Variants in BAALC observed in about 807,000 individuals in gnomAD.
BAALC encodes the protein brain and acute leukemia cytoplasmic protein.
A neutral mutation model predicts 15.5 loss-of-function variants in BAALC; 9 were observed. The ratio of observed to expected loss-of-function variants is 0.58; its 90% CI spans 0.35 to 1.02. The LOEUF (loss-of-function observed/expected upper bound fraction) is 1.02, where lower values mean the gene tolerates loss of function less well. Among genes scored for constraint, BAALC ranks in the 50% least tolerant of loss-of-function variants. The pLI is 0.02. For synonymous variants in BAALC, 80 were observed against 74.6 expected (o/e 1.07, Z -0.37); for missense variants, 201 against 192.4 (o/e 1.04, Z -0.27).
Position 103,180,802 on chromosome 8 carries a change from T to A in BAALC, c.161-32117T>A, listed in dbSNP as rs185601319. On this transcript the variant is annotated intron_variant, in intron 1 of 2. Transcript: ENST00000309982. ...AATGATTGTGTGAAAATAGATAGGATTGAAAATGAACCAAGACAAAATTGT... is the reference window on the plus strand; with the variant it reads ...AATGATTGTGTGAAAATAGATAGGAATGAAAATGAACCAAGACAAAATTGT... 4.0e-3 allele frequency among the ~76,000 whole-genome samples: 608 copies of A among 152,314 alleles called. 4 individuals carry two copies. The highest frequency in any genetic ancestry group is 7.5e-3 in the Non-Finnish European group (508 of 68,032).
intron 1 of BAALC, among the ~76,000 whole-genome samples, chr8:103,210,453 C>T (rs1272273059): frequency 6.6e-6 from 1 of 152,270 alleles, no homozygotes; most frequent in African/African-American, 2.4e-5. Context: ...TGCCATCTCA[C>T]TGTGTGGGAA....
intron 1 of BAALC, among the ~76,000 whole-genome samples, chr8:103,207,614 G>C (rs1812360639): frequency 2.0e-5 from 3 of 152,178 alleles, no homozygotes; most frequent in South Asian, 4.1e-4. Flanking sequence ...TTAGTGACCA[G>C]TGAAAAGTAA....
intron 1 of BAALC, among the ~76,000 whole-genome samples, chr8:103,205,392 G>C (rs1254512937): frequency 6.6e-6 from 1 of 152,170 alleles, no homozygotes; most frequent in African/African-American, 2.4e-5. Flanking sequence ...AAAATTTTGT[G>C]AAGGGTGTCA....
At chr8:103,151,048 C>G (rs569671239) in intron 1 of BAALC, among the ~76,000 whole-genome samples, 1 of 149,862 alleles carries the variant, frequency 6.7e-6, no homozygotes, top group East Asian at 1.9e-4. Context: ...GATGGAGTCT[C>G]GCTCTGTTGC....
intron 1 of BAALC, among the ~76,000 whole-genome samples, chr8:103,176,477 A>G (rs1451450953): frequency 6.6e-6 from 1 of 152,096 alleles, no homozygotes; most frequent in Non-Finnish European, 1.5e-5. Flanking sequence ...AGAAAAAAAA[A>G]AGAGAGAGGA....
intron 1 of BAALC, among the ~76,000 whole-genome samples, chr8:103,149,596 G>A (rs1184773641): frequency 1.2e-4 from 18 of 152,112 alleles, no homozygotes; most frequent in African/African-American, 3.6e-4. Context: ...TTAAAGTTCC[G>A]GATGGGGGGA....
chr8:103,191,721 A>G (rs1263032720), intron 1 of BAALC, among the ~76,000 whole-genome samples: 2 of 152,114 alleles, frequency 1.3e-5, no homozygotes, highest in Non-Finnish European at 2.9e-5. Flanking sequence ...AGCCCCCTCC[A>G]TAAATATCAA....
intron 1 of BAALC, among the ~76,000 whole-genome samples, chr8:103,186,972 C>G (rs1811852464): frequency 6.6e-6 from 1 of 152,236 alleles, no homozygotes; most frequent in Non-Finnish European, 1.5e-5. Context: ...CTTGTTCTCT[C>G]AGGACCTTAG....
intron 1 of BAALC, among the ~76,000 whole-genome samples, chr8:103,207,013 G>A (rs772159573): frequency 1.3e-5 from 2 of 152,120 alleles, no homozygotes; most frequent in Non-Finnish European, 2.9e-5. Context: ...CCTGGTAAGG[G>A]GGCTCCCTTC....
chr8:103,180,313 C>T (rs1811698217), intron 1 of BAALC, among the ~76,000 whole-genome samples: 2 of 152,098 alleles, frequency 1.3e-5, no homozygotes, highest in African/African-American at 2.4e-5. Context: ...CTATGGTTTC[C>T]AGAAATCTAA....
chr8:103,180,535 C>T (rs563888727), intron 1 of BAALC, among the ~76,000 whole-genome samples: 3 of 152,322 alleles, frequency 2.0e-5, no homozygotes, highest in East Asian at 1.9e-4. Flanking sequence ...GTGGCAGTTA[C>T]AGGAAGGAGG....
chr8:103,164,511 C>T (rs1028828764), intron 1 of BAALC, among the ~76,000 whole-genome samples: 3 of 152,126 alleles, frequency 2.0e-5, no homozygotes, highest in Non-Finnish European at 2.9e-5. Flanking sequence ...CTCTTGTGCC[C>T]AATAATATTT....
intron 1 of BAALC, among the ~76,000 whole-genome samples, chr8:103,186,874 T>C (rs1811849773): frequency 6.6e-6 from 1 of 152,202 alleles, no homozygotes; most frequent in Non-Finnish European, 1.5e-5. Context: ...AATCCAAATG[T>C]CCTCAGGTCC....
At chr8:103,210,274 A>G (rs755161540) in intron 1 of BAALC, among the ~76,000 whole-genome samples, 15 of 152,256 alleles carry the variant, frequency 9.9e-5, no homozygotes, top group Non-Finnish European at 1.6e-4. Context: ...AATCCATCAC[A>G]GCACCCCAAT....
intron 1 of BAALC, among the ~76,000 whole-genome samples, chr8:103,176,355 A>C (rs899226664): frequency 1.3e-5 from 2 of 152,140 alleles, no homozygotes; most frequent in African/African-American, 4.8e-5. Context: ...TAATAGTGAC[A>C]AAAAAACCCA....
intron 1 of BAALC, among the ~76,000 whole-genome samples, chr8:103,146,731 C>T (rs1023684139): frequency 8.5e-5 from 13 of 152,172 alleles, no homozygotes; most frequent in African/African-American, 3.1e-4. Context: ...AGAAAACATC[C>T]CCACCTTCCT....
chr8:103,142,494 C>G (rs923562399), intron 1 of BAALC, among the ~76,000 whole-genome samples: 1 of 152,132 alleles, frequency 6.6e-6, no homozygotes, highest in Non-Finnish European at 1.5e-5. Context: ...TTAGAGGGAC[C>G]TGGTAAATGT....
Position 103,140,929 on chromosome 8 carries a change from T to A in BAALC, c.32T>A (p.Ile11Asn). Residue 11 changes from isoleucine (I) to asparagine (N), a missense_variant, in exon 1 of 3, where the codon ATC becomes AAC. Transcript: ENST00000309982. The surrounding 1 kb of genome is among the most constrained non-coding windows in gnomAD (Gnocchi z 4.2). ...TGCGGCGGGAGCCGGGCGGATGCCA[T>A]CGAGCCCCGCTACTACGAGAGCTGG... is the stretch of plus-strand genomic sequence containing the variant. MGCGGSRADAIEPRYYESWTR... is the reference protein window; with the variant it reads MGCGGSRADANEPRYYESWTR... The A allele has an allele frequency of 6.5e-7, 1 of 1,527,534 alleles. No individual in the cohort carries two copies. The highest frequency in any genetic ancestry group is 8.8e-7 in the Non-Finnish European group (1 of 1,138,278). The allele number at this position is 1,527,534 out of a possible 1,614,324, so 94.6% of individuals were successfully genotyped here.
At chr8:103,197,821 A>G (rs1455054945) in intron 1 of BAALC, among the ~76,000 whole-genome samples, 1 of 152,100 alleles carries the variant, frequency 6.6e-6, no homozygotes, top group African/African-American at 2.4e-5. Flanking sequence ...CATCAAAGGG[A>G]TGGTGCTAAG....
Sources: allele counts gnomAD v4.1 joint callset (sites outside exome capture counted in the v4.1 genomes callset), GRCh38; gene constraint gnomAD v4.1.1; non-coding constraint Gnocchi (gnomAD v3.1); transcripts MANE v1.5; gene names NCBI Gene and HGNC (gene_info 2026-07-23, HGNC 2026-07-21).